Variants in DISC1 observed in about 807,000 individuals in gnomAD.
The protein encoded by DISC1 is DISC1 scaffold protein.
Under a neutral mutation model 84.5 loss-of-function variants are expected in DISC1, and 57 were observed. That is an observed-to-expected ratio of 0.67 (90% CI 0.55 to 0.84). The LOEUF (loss-of-function observed/expected upper bound fraction) is 0.84, where lower values mean the gene tolerates loss of function less well. Among genes scored for constraint, DISC1 ranks in the 40% least tolerant of loss-of-function variants. The pLI, the probability that DISC1 is intolerant of heterozygous loss-of-function variation, is 0.00. For missense variants in DISC1, 1,000 were observed against 1,057.8 expected, an observed-to-expected ratio of 0.95 and a Z score of 0.76; for synonymous variants, 411 against 415.2, an observed-to-expected ratio of 0.99 and a Z score of 0.12.
chr1:232,032,497 G>A (rs1670142122), intron 12 of DISC1, among the ~76,000 whole-genome samples: 1 of 152,250 alleles, frequency 6.6e-6, no homozygotes, highest in Non-Finnish European at 1.5e-5. Context: ...CATGTGGATA[G>A]TCTATTCCAA....
intron 1 of DISC1, among the ~76,000 whole-genome samples, chr1:231,648,863 T>C (rs553635916): frequency 1.3e-5 from 2 of 152,354 alleles, no homozygotes; most frequent in East Asian, 3.9e-4. Context: ...TTTATAGCAT[T>C]CTCTGATAGT....
intron 9 of DISC1, among the ~76,000 whole-genome samples, chr1:231,895,445 TGAG>T (rs1228845003): frequency 1.3e-5 from 2 of 151,902 alleles, no homozygotes; most frequent in Non-Finnish European, 2.9e-5. Flanking sequence ...TATATATATA[TGAG>T]AGAGATAAAT....
At chr1:231,795,336 G>A in intron 7 of DISC1, 40 bp downstream of exon 7, 6 of 1,579,370 alleles carry the variant, frequency 3.8e-6, no homozygotes, top group Non-Finnish European at 5.2e-6. Context: ...AGAAGCCTAT[G>A]AAGTTTTCGT....
chr1:231,983,676 C>A (rs1352344774), intron 10 of DISC1, among the ~76,000 whole-genome samples: 5 of 150,124 alleles, frequency 3.3e-5, no homozygotes, highest in Non-Finnish European at 5.9e-5. Flanking sequence ...GGGACCCTTT[C>A]CTCCTGCAAG....
intron 9 of DISC1, chr1:231,855,325 T>A: frequency 1.1e-6 from 1 of 949,606 alleles, no homozygotes; most frequent in Non-Finnish European, 1.3e-6. Context: ...ATATAATACA[T>A]ACAATTTTTG....
chr1:231,895,006 A>C (rs115949816), intron 9 of DISC1, among the ~76,000 whole-genome samples: 366 of 151,814 alleles, frequency 2.4e-3, no homozygotes, highest in Middle Eastern at 6.8e-3. Context: ...ATATTTAATC[A>C]ATTTATATTT....
At chr1:231,918,344 A>G (rs564171848) in intron 9 of DISC1, among the ~76,000 whole-genome samples, 13 of 152,354 alleles carry the variant, frequency 8.5e-5, no homozygotes, top group Non-Finnish European at 1.5e-4. Flanking sequence ...TACAGAGGAT[A>G]GACTCAGAGC....
At chr1:231,907,124 TTC>T (rs1395360339) in intron 9 of DISC1, among the ~76,000 whole-genome samples, 7 of 34,574 alleles carry the variant, frequency 2.0e-4, no homozygotes, top group African/African-American at 7.0e-4. Flanking sequence ...CCTTCCTTCC[TTC>T]CTTCCTCTTT....
chr1:231,754,815 A>C (rs1315131565), intron 4 of DISC1, among the ~76,000 whole-genome samples: 1 of 152,184 alleles, frequency 6.6e-6, no homozygotes. Context: ...CCCCCAGAAA[A>C]GTATAGGCCT....
intron 1 of DISC1, among the ~76,000 whole-genome samples, chr1:231,652,804 G>A (rs919648291): frequency 1.3e-5 from 2 of 152,062 alleles, no homozygotes; most frequent in African/African-American, 4.8e-5. Flanking sequence ...TTCTGAGATG[G>A]AGGCTCGCTC....
intron 6 of DISC1, among the ~76,000 whole-genome samples, chr1:231,791,433 A>C (rs2078344231): frequency 6.6e-6 from 1 of 152,202 alleles, no homozygotes; most frequent in South Asian, 2.1e-4. Flanking sequence ...TTCTTGTCTT[A>C]CAATGTAGAT....
At chr1:231,856,679 T>G (rs1281215671) in intron 9 of DISC1, among the ~76,000 whole-genome samples, 1 of 152,244 alleles carries the variant, frequency 6.6e-6, no homozygotes, top group Non-Finnish European at 1.5e-5. Flanking sequence ...TTCCCAGTGC[T>G]GCTCAGTGGG....
intron 4 of DISC1, among the ~76,000 whole-genome samples, chr1:231,758,724 AAGGAAAGTTATTTTTC>A (rs2075370454): frequency 6.6e-6 from 1 of 152,202 alleles, no homozygotes; most frequent in Non-Finnish European, 1.5e-5. Flanking sequence ...CATCCAATCA[AAGGAAAGTTATTTTTC>A]CTTTCTCCTA....
chr1:231,989,014 G>A (rs1664839303), intron 10 of DISC1, among the ~76,000 whole-genome samples: 1 of 152,164 alleles, frequency 6.6e-6, no homozygotes, highest in South Asian at 2.1e-4. Context: ...CCTCTGGGGT[G>A]TCCCATGTCA....
At chr1:231,638,927 G>A (rs1449493918) in intron 1 of DISC1, among the ~76,000 whole-genome samples, 4 of 152,062 alleles carry the variant, frequency 2.6e-5, no homozygotes, top group Non-Finnish European at 5.9e-5. Flanking sequence ...TATTAGTCTG[G>A]GGTAAATTTC....
At chr1:231,790,967 T>C (rs1279822512) in intron 6 of DISC1, among the ~76,000 whole-genome samples, 1 of 152,212 alleles carries the variant, frequency 6.6e-6, no homozygotes, top group African/African-American at 2.4e-5. Flanking sequence ...AACCTGTGAA[T>C]TTTGGGGGAC....
chr1:231,744,074 T>C (rs1211886379), intron 3 of DISC1, among the ~76,000 whole-genome samples: 7 of 152,190 alleles, frequency 4.6e-5, no homozygotes, highest in Admixed American at 3.9e-4. Flanking sequence ...TAGACTTGAG[T>C]CTTATCGAAA....
At chr1:231,755,208 C>T (rs2074997658) in intron 4 of DISC1, among the ~76,000 whole-genome samples, 1 of 151,570 alleles carries the variant, frequency 6.6e-6, no homozygotes, top group African/African-American at 2.4e-5. Flanking sequence ...TCCCTTTCTT[C>T]TTAATTTTTT....
chr1:231,832,720 A>G (rs2125826144), intron 9 of DISC1, among the ~76,000 whole-genome samples: 1 of 146,788 alleles, frequency 6.8e-6, no homozygotes, highest in South Asian at 2.2e-4. Context: ...TGGGCTGTGG[A>G]GGGAGGTATT....
Sources: allele counts gnomAD v4.1 joint callset (sites outside exome capture counted in the v4.1 genomes callset), GRCh38; gene constraint gnomAD v4.1.1; transcripts MANE v1.5; gene names NCBI Gene and HGNC (gene_info 2026-07-23, HGNC 2026-07-21).